SSH2: variants seen among roughly 807,000 people sequenced by gnomAD.
The protein encoded by SSH2 is protein phosphatase Slingshot homolog 2.
In SSH2, 37 loss-of-function variants were observed where a neutral mutation model predicts 135.2. The ratio of observed to expected loss-of-function variants is 0.27; its 90% CI spans 0.21 to 0.36. The LOEUF (loss-of-function observed/expected upper bound fraction) is 0.36. Among genes scored for constraint, SSH2 ranks in the 10% least tolerant of loss-of-function variants. SSH2 has a pLI of 1.00. For missense variants in SSH2, 1,408 were observed against 1,765.3 expected, an observed-to-expected ratio of 0.80 and a Z score of 3.63; for synonymous variants, 628 against 646.2, an observed-to-expected ratio of 0.97 and a Z score of 0.43.
At chr17:29,909,399 C>A (rs552419550) in intron 1 of SSH2, among the ~76,000 whole-genome samples, 48 of 152,004 alleles carry the variant, frequency 3.2e-4, no homozygotes, top group African/African-American at 1.1e-3. Flanking sequence ...AAAAATAAGG[C>A]TCAGTAGCTG....
intron 2 of SSH2, among the ~76,000 whole-genome samples, chr17:29,835,958 CAAAAA>C (rs34869280): frequency 1.3e-5 from 1 of 77,582 alleles, no homozygotes; most frequent in Non-Finnish European, 2.8e-5. Context: ...GACTTCGTCT[CAAAAA>C]AAAAAAAAAA....
At chr17:29,800,998 T>A in intron 2 of SSH2, among the ~76,000 whole-genome samples, 1 of 151,914 alleles carries the variant, frequency 6.6e-6, no homozygotes. Flanking sequence ...CCCGAGTAGC[T>A]GGGATTACAG....
intron 3 of SSH2, among the ~76,000 whole-genome samples, chr17:29,713,297 T>C (rs934735482): frequency 6.6e-6 from 1 of 152,160 alleles, no homozygotes; most frequent in Non-Finnish European, 1.5e-5. Flanking sequence ...ATCGCGCCAC[T>C]GCACTCCAGC....
At chr17:29,909,449 G>A (rs1263666584) in intron 1 of SSH2, among the ~76,000 whole-genome samples, 1 of 151,988 alleles carries the variant, frequency 6.6e-6, no homozygotes, top group Non-Finnish European at 1.5e-5. Flanking sequence ...TCCAATCACA[G>A]ATGAATGAGT....
At chr17:29,894,282 C>A (rs930656450) in intron 1 of SSH2, among the ~76,000 whole-genome samples, 4 of 152,016 alleles carry the variant, frequency 2.6e-5, no homozygotes, top group Non-Finnish European at 4.4e-5. Flanking sequence ...TTTCTCCAGC[C>A]TAGATCTCCT....
At position 29,929,983 on chromosome 17, in the gene SSH2, G is replaced by T; in HGVS notation, c.18C>A (p.Val6=). 6.2e-7 allele frequency: 1 copy of T among 1,603,620 alleles called. No homozygotes were observed. Among genetic ancestry groups the T allele is most frequent in the Non-Finnish European group, 8.5e-7 (1 of 1,175,434 alleles). The change falls in exon 1 of 16, where the codon GTC becomes GTA. Residue 6 remains valine (V), a synonymous_variant. Coordinates refer to ENST00000540801, the MANE Select transcript of SSH2 (RefSeq NM_001282129.2). MALVT[V]QRSPTPSTTS... ...TGGTGCTGGGGGTAGGTGACCGCTG[G>T]ACCGTGACCAAAGCCATCTAGGCGC...
intron 5 of SSH2, among the ~76,000 whole-genome samples, chr17:29,694,562 G>A (rs541512645): frequency 1.3e-5 from 2 of 152,084 alleles, no homozygotes; most frequent in Admixed American, 6.6e-5. Context: ...CCAGCTGCTC[G>A]GGAGGCTGAG....
intron 3 of SSH2, among the ~76,000 whole-genome samples, chr17:29,741,743 T>C (rs1476211110): frequency 6.7e-6 from 1 of 149,486 alleles, no homozygotes; most frequent in Non-Finnish European, 1.5e-5. Context: ...AGCCTGTGAG[T>C]AGCAGGGTTT....
At position 29,874,444 on chromosome 17, in the gene SSH2, A is replaced by G. The variant is rs117147005; in HGVS notation, c.64-25515T>C. On this transcript the variant is annotated intron_variant, in intron 1 of 15. Coordinates refer to ENST00000540801, the MANE Select transcript of SSH2 (RefSeq NM_001282129.2). ...GAATTGTACTCCCTATAACCCCGAT[A>G]AGGGAGAGACCAGGTGGACTTAATT... 3.7e-3 allele frequency among the ~76,000 whole-genome samples: 571 copies of G among 152,300 alleles called. 12 individuals are homozygous for G. Among genetic ancestry groups the G allele is most frequent in the Admixed American group, 0.031 (470 of 15,300 alleles).
At chr17:29,685,858 T>C (rs1297589130) in intron 5 of SSH2, among the ~76,000 whole-genome samples, 1 of 151,600 alleles carries the variant, frequency 6.6e-6, no homozygotes, top group Non-Finnish European at 1.5e-5. Flanking sequence ...TTTTCTTTTT[T>C]TTTTTTTGAG....
chr17:29,805,506 G>C (rs1040396023), intron 2 of SSH2, among the ~76,000 whole-genome samples: 1 of 152,124 alleles, frequency 6.6e-6, no homozygotes, highest in African/African-American at 2.4e-5. Context: ...CCGCTGGTGT[G>C]CTGGAGCTGG....
chr17:29,721,069 A>C (rs1049239642), intron 3 of SSH2, among the ~76,000 whole-genome samples: 2 of 152,204 alleles, frequency 1.3e-5, no homozygotes, highest in Non-Finnish European at 2.9e-5. Context: ...TTTTAAAGTA[A>C]ATTTATGAAG....
At chr17:29,857,420 G>C (rs566861065) in intron 1 of SSH2, among the ~76,000 whole-genome samples, 1 of 152,176 alleles carries the variant, frequency 6.6e-6, no homozygotes, top group Non-Finnish European at 1.5e-5. Context: ...CCTCCCACCA[G>C]AGTTTCCCTT....
chr17:29,664,519 GCTCT>G (rs1380876640), intron 11 of SSH2, among the ~76,000 whole-genome samples: 1 of 151,828 alleles, frequency 6.6e-6, no homozygotes, highest in Non-Finnish European at 1.5e-5. Flanking sequence ...TTTTAGACAG[GCTCT>G]CTCTTTGTTG....
chr17:29,673,896 C>T, intron 8 of SSH2: 3 of 321,580 alleles, frequency 9.3e-6, no homozygotes, highest in African/African-American at 2.2e-5. Flanking sequence ...ATAGATGTAC[C>T]ATAATTTACT....
intron 3 of SSH2, among the ~76,000 whole-genome samples, chr17:29,747,359 A>C (rs2040797218): frequency 6.6e-6 from 1 of 152,218 alleles, no homozygotes; most frequent in African/African-American, 2.4e-5. Flanking sequence ...TAGCTTTACC[A>C]AGTGTAACTA....
intron 2 of SSH2, among the ~76,000 whole-genome samples, chr17:29,829,178 C>A (rs1012526850): frequency 1.3e-5 from 2 of 152,168 alleles, no homozygotes; most frequent in African/African-American, 4.8e-5. Context: ...TAAAGGCTAA[C>A]AATGTGCCAG....
chr17:29,802,685 G>A (rs1478380232), intron 2 of SSH2, among the ~76,000 whole-genome samples: 1 of 151,562 alleles, frequency 6.6e-6, no homozygotes, highest in Non-Finnish European at 1.5e-5. Context: ...AGAAGAACAG[G>A]CAAAAGAGCT....
At chr17:29,661,609 A>C (rs2037045861) in intron 11 of SSH2, among the ~76,000 whole-genome samples, 1 of 152,248 alleles carries the variant, frequency 6.6e-6, no homozygotes, top group African/African-American at 2.4e-5. Flanking sequence ...GAAATAGCCA[A>C]GAACTACAAA....
Sources: allele counts gnomAD v4.1 joint callset (sites outside exome capture counted in the v4.1 genomes callset), GRCh38; gene constraint gnomAD v4.1.1; transcripts MANE v1.5; gene names NCBI Gene and HGNC (gene_info 2026-07-23, HGNC 2026-07-21).